XPOT: variants seen among roughly 807,000 people sequenced by gnomAD.
XPOT encodes exportin-T.
Under a neutral mutation model 128.2 loss-of-function variants are expected in XPOT, and 34 were observed. That is an observed-to-expected ratio of 0.27 (90% CI 0.20 to 0.35). The LOEUF is 0.35. Ranked by LOEUF, XPOT falls within the 10% of genes least tolerant of loss-of-function variation. The pLI, the probability that XPOT is intolerant of heterozygous loss-of-function variation, is 1.00. For synonymous variants in XPOT, 348 were observed against 394.3 expected, an observed-to-expected ratio of 0.88 and a Z score of 1.39; for missense variants, 838 against 1,125.3, an observed-to-expected ratio of 0.74 and a Z score of 3.65.
intron 15 of XPOT, among the ~76,000 whole-genome samples, chr12:64,426,624 C>T (rs969455485): frequency 4.6e-5 from 7 of 152,110 alleles, no homozygotes; most frequent in African/African-American, 7.2e-5. Context: ...TCAATAGAAG[C>T]GCAAACCTCA....
chr12:64,413,129 G>A (rs1368698818), intron 2 of XPOT, among the ~76,000 whole-genome samples: 3 of 152,156 alleles, frequency 2.0e-5, no homozygotes, highest in African/African-American at 4.8e-5. Flanking sequence ...GTAACCAGCT[G>A]TATCCTGAGG....
intron 9 of XPOT, among the ~76,000 whole-genome samples, chr12:64,422,224 T>G (rs926225091): frequency 2.0e-4 from 30 of 152,248 alleles, no homozygotes; most frequent in African/African-American, 6.8e-4. Context: ...CAATATGATA[T>G]TAGATGAAAG....
intron 16 of XPOT, 117 bp downstream of exon 16, chr12:64,428,237 T>G: frequency 4.5e-6 from 3 of 662,334 alleles, no homozygotes; most frequent in Non-Finnish European, 7.7e-6. Flanking sequence ...GAAGTGTATG[T>G]GCAAAGATTA....
chr12:64,424,826 T>C (rs1039776374), intron 12 of XPOT, 103 bp downstream of exon 12: 5 of 1,460,290 alleles, frequency 3.4e-6, no homozygotes, highest in South Asian at 1.3e-5. Flanking sequence ...ATGTTACTTA[T>C]TGAGATCTTA....
At chr12:64,434,454 T>A in intron 19 of XPOT, 53 bp from the exon 20 acceptor site, 2 of 1,241,928 alleles carry the variant, frequency 1.6e-6, no homozygotes, top group Admixed American at 1.8e-5. Context: ...AACTTCAGGT[T>A]GCTTTCCTAG....
rs918570851 is a variant in XPOT at position 64,450,153 on chromosome 12, CTTTT to C, written c.*2028_*2031del. The C allele has an allele frequency of 6.6e-6, 1 of 150,560 alleles. No individual in the cohort carries two copies. Among genetic ancestry groups the C allele is most frequent in the Non-Finnish European group, 1.5e-5 (1 of 67,692 alleles). 9.3% of individuals were successfully genotyped at this position (150,560 alleles called of 1,614,324 possible). On this transcript the variant is annotated 3_prime_UTR_variant, in exon 25 of 25. Coordinates refer to ENST00000332707, the MANE Select transcript of XPOT (RefSeq NM_007235.6). Reference sequence around the variant, plus strand: ...ATGGAATTAATAGTGTATCACTATACTTTTTTTTTCTTTTTTTTTTTTGAATAGA... The same window carrying C: ...ATGGAATTAATAGTGTATCACTATACTTTTTCTTTTTTTTTTTTGAATAGA...
chr12:64,418,163 C>T (rs1262737331), intron 5 of XPOT, 48 bp downstream of exon 5: 1 of 1,526,984 alleles, frequency 6.5e-7, no homozygotes, highest in East Asian at 2.3e-5. Context: ...GATATTTAAA[C>T]TTATTTTTTG....
chr12:64,427,239 C>T (rs2040200307), intron 15 of XPOT, among the ~76,000 whole-genome samples: 1 of 151,250 alleles, frequency 6.6e-6, no homozygotes, highest in African/African-American at 2.4e-5. Context: ...CCTGCCTCAG[C>T]CTACTGAGTA....
At chr12:64,432,321 C>T (rs1470633395) in intron 18 of XPOT, among the ~76,000 whole-genome samples, 1 of 152,018 alleles carries the variant, frequency 6.6e-6, no homozygotes, top group African/African-American at 2.4e-5. Context: ...TCACAACTCA[C>T]TGCAACCTCC....
At chr12:64,415,377 T>C (rs2040077932) in intron 3 of XPOT, among the ~76,000 whole-genome samples, 1 of 151,398 alleles carries the variant, frequency 6.6e-6, no homozygotes, top group Non-Finnish European at 1.5e-5. Context: ...TTTATTATTA[T>C]TATTATTATT....
rs1257962728 is a variant in XPOT, at chr12:64,439,216, A to G, written c.2734-28A>G. ...AAGCTTATTAATGTCAAGCAAGAAA[A>G]TAGTTGTAAGTATCTTTTAATCTTC... On this transcript the variant is annotated intron_variant, in intron 22 of 24. Transcript: ENST00000332707. 3.1e-6 allele frequency: 5 copies of G among 1,602,816 alleles called. No individual in the cohort carries two copies. The African/African-American group carries it at 5.4e-5, about 17-fold the overall frequency.
chr12:64,419,643 C>T (rs896667380), intron 6 of XPOT, among the ~76,000 whole-genome samples: 1 of 152,160 alleles, frequency 6.6e-6, no homozygotes, highest in Non-Finnish European at 1.5e-5. Context: ...ACTGTAGTGA[C>T]ATACACGAGT....
In XPOT at chr12:64,404,816, C is replaced by CT. The variant is rs1290568048; in HGVS notation, c.-75+13dup. On this transcript the variant is annotated intron_variant, in intron 1 of 24. Transcript: ENST00000332707. ...GAGTGATAGGGAAGGTGACTCGGGGCTCGGGGGCAGCGGGACCGGGACCAG... is the reference window on the plus strand; with the variant it reads ...GAGTGATAGGGAAGGTGACTCGGGGCTTCGGGGGCAGCGGGACCGGGACCAG... 1 of 152,368 alleles carries CT rather than the reference C, an allele frequency of 6.6e-6. No homozygotes were observed. The highest frequency in any genetic ancestry group is 2.4e-5 in the African/African-American group (1 of 41,454). The allele number at this position is 152,368 out of a possible 1,614,324, so 9.4% of individuals were successfully genotyped here.
At chr12:64,410,154 C>G (rs1474715931) in intron 2 of XPOT, 59 bp downstream of exon 2, 44 of 1,537,524 alleles carry the variant, frequency 2.9e-5, no homozygotes, top group Non-Finnish European at 3.7e-5. Context: ...CATTAGAGGA[C>G]TTGAATAAAA....
Position 64,445,077 on chromosome 12 carries a change from G to C in XPOT, c.2808G>C (p.Glu936Asp). The C allele has an allele frequency of 6.2e-7, 1 of 1,609,314 alleles. No homozygotes were observed. Among genetic ancestry groups the C allele is most frequent in the Non-Finnish European group, 8.5e-7 (1 of 1,177,834 alleles). ...SLQVAPEIIQEFCQALQQPDA... is the reference protein window; with the variant it reads ...SLQVAPEIIQDFCQALQQPDA... Reference sequence around the variant, plus strand: ...TCCCTCTTTTCCCCACCCCCCAGGAGTTTTGTCAAGCGCTTCAGCAGCCTG... The same window carrying C: ...TCCCTCTTTTCCCCACCCCCCAGGACTTTTGTCAAGCGCTTCAGCAGCCTG... The change falls in exon 24 of 25, where the codon GAG (glutamate) becomes GAC (aspartate). Residue 936 changes from glutamate to aspartate, a missense_variant and splice_region_variant. By Grantham distance (45) the Glu-to-Asp change is conservative (BLOSUM62 2). Transcript: ENST00000332707.
intron 2 of XPOT, among the ~76,000 whole-genome samples, chr12:64,412,146 G>T (rs2040044223): frequency 2.6e-5 from 4 of 151,016 alleles, no homozygotes; most frequent in African/African-American, 9.7e-5. Context: ...GCCTCAGCTG[G>T]GATTAGAGTA....
intron 23 of XPOT, among the ~76,000 whole-genome samples, chr12:64,443,916 T>C (rs2040347027): frequency 6.6e-6 from 1 of 152,254 alleles, no homozygotes; most frequent in South Asian, 2.1e-4. Context: ...TGGTTATCAT[T>C]TGATATGTAA....
chr12:64,446,082 G>T (rs2136042140), intron 24 of XPOT, among the ~76,000 whole-genome samples: 1 of 152,198 alleles, frequency 6.6e-6, no homozygotes, highest in South Asian at 2.1e-4. Context: ...TTATCATTGG[G>T]AACCCTCCCC....
At chr12:64,409,469 C>A (rs570429108) in intron 1 of XPOT, among the ~76,000 whole-genome samples, 1 of 152,210 alleles carries the variant, frequency 6.6e-6, no homozygotes, top group Admixed American at 6.5e-5. Flanking sequence ...GGTGGGGTGG[C>A]TCATGCCTGT....
Sources: gnomAD v4.1 joint callset for allele counts (sites outside exome capture counted in the v4.1 genomes callset) on GRCh38, gnomAD v4.1.1 for gene constraint, MANE v1.5 for transcripts, NCBI Gene and HGNC (gene_info 2026-07-23, HGNC 2026-07-21) for gene names.